Variants in RAD51B observed in about 807,000 individuals in gnomAD.
RAD51B encodes the protein DNA repair protein RAD51 homolog 2.
A neutral mutation model predicts 42.2 loss-of-function variants in RAD51B; 38 were observed. The ratio of observed to expected loss-of-function variants is 0.90; its 90% CI spans 0.70 to 1.18. The LOEUF is 1.18. RAD51B is among the 50% of genes most tolerant of loss of function. The pLI, the probability that RAD51B is intolerant of heterozygous loss-of-function variation, is 0.00. For missense variants in RAD51B, 373 were observed against 400.7 expected, an observed-to-expected ratio of 0.93 and a Z score of 0.59; for synonymous variants, 154 against 145.2, an observed-to-expected ratio of 1.06 and a Z score of -0.43.
At chr14:68,431,663 T>C (rs933435020) in intron 9 of RAD51B, among the ~76,000 whole-genome samples, 6 of 152,220 alleles carry the variant, frequency 3.9e-5, no homozygotes, top group Non-Finnish European at 7.3e-5. Flanking sequence ...TTAGTCTTGC[T>C]AGTGGTCTAT....
At chr14:68,568,442 C>T (rs998842320) in intron 10 of RAD51B, among the ~76,000 whole-genome samples, 1 of 152,168 alleles carries the variant, frequency 6.6e-6, no homozygotes, top group Non-Finnish European at 1.5e-5. Context: ...CCTGTGGTCC[C>T]CAAGCAAACC....
At chr14:68,468,346 C>A (rs754711267) in intron 10 of RAD51B, 96 bp downstream of exon 10, 1 of 1,325,602 alleles carries the variant, frequency 7.5e-7, no homozygotes, top group Non-Finnish European at 1.1e-6. Context: ...GAAGCTAGCT[C>A]CAGACAGAAT....
intron 10 of RAD51B, among the ~76,000 whole-genome samples, chr14:68,546,875 T>C (rs1471850166): frequency 1.3e-5 from 2 of 152,184 alleles, no homozygotes; most frequent in East Asian, 3.8e-4. Flanking sequence ...ATGTTAATGT[T>C]AATGGCAAAC....
chr14:68,455,195 CAGAAGCCA>C (rs149685865), intron 9 of RAD51B, among the ~76,000 whole-genome samples: 1 of 152,264 alleles, frequency 6.6e-6, no homozygotes, highest in Non-Finnish European at 1.5e-5. Flanking sequence ...TCAGAAACCA[CAGAAGCCA>C]GAAGGTAATT....
intron 7 of RAD51B, among the ~76,000 whole-genome samples, chr14:67,898,014 A>C (rs2043482165): frequency 6.6e-6 from 1 of 152,182 alleles, no homozygotes; most frequent in Admixed American, 6.5e-5. Context: ...AACAGTTTGG[A>C]GGTTTCTCAA....
chr14:67,908,836 G>A (rs1462465099), intron 7 of RAD51B: 1 of 152,200 alleles, frequency 6.6e-6, no homozygotes, highest in Non-Finnish European at 1.5e-5. Context: ...GTCTAGTGCA[G>A]GAATTCTCAG....
chr14:67,888,714 A>G (rs1232631799), intron 7 of RAD51B, among the ~76,000 whole-genome samples: 1 of 152,158 alleles, frequency 6.6e-6, no homozygotes, highest in African/African-American at 2.4e-5. Context: ...TAGCATGTAC[A>G]TTGTATTGGG....
chr14:68,616,226 A>G (rs1341931746), downstream of RAD51B, among the ~76,000 whole-genome samples: 4 of 152,126 alleles, frequency 2.6e-5, no homozygotes, highest in African/African-American at 9.6e-5. Context: ...GGTGCTCTTC[A>G]TTCTTTTGTG....
intron 8 of RAD51B, among the ~76,000 whole-genome samples, chr14:68,358,925 A>T (rs1420795675): frequency 6.6e-6 from 1 of 152,202 alleles, no homozygotes; most frequent in Non-Finnish European, 1.5e-5. Flanking sequence ...CTTATTGGAG[A>T]CATGTAATCC....
chr14:67,910,606 A>T (rs1013166853), intron 7 of RAD51B, among the ~76,000 whole-genome samples: 1 of 151,600 alleles, frequency 6.6e-6, no homozygotes, highest in Non-Finnish European at 1.5e-5. Context: ...TTTTTTTAAA[A>T]TTTTACTGGA....
chr14:67,882,715 C>T (rs948101802), intron 5 of RAD51B, among the ~76,000 whole-genome samples: 1 of 151,996 alleles, frequency 6.6e-6, no homozygotes, highest in Admixed American at 6.6e-5. Flanking sequence ...TGATTCCATT[C>T]TTCTAGACAC....
At chr14:67,879,955 A>ATTACATTAAATCTTCTAC (rs2042853680) in intron 5 of RAD51B, among the ~76,000 whole-genome samples, 2 of 152,188 alleles carry the variant, frequency 1.3e-5, no homozygotes, top group Non-Finnish European at 2.9e-5. Context: ...TTTTTTCTAC[A>ATTACATTAAATCTTCTAC]GTTACATTAA....
chr14:67,919,995 TG>T (rs1713150735), intron 7 of RAD51B, among the ~76,000 whole-genome samples: 1 of 151,988 alleles, frequency 6.6e-6, no homozygotes, highest in African/African-American at 2.4e-5. Flanking sequence ...AGGGAATGAG[TG>T]GGGTTATCCA....
intron 7 of RAD51B, among the ~76,000 whole-genome samples, chr14:67,918,297 T>TGC (rs2044220229): frequency 6.6e-6 from 1 of 152,160 alleles, no homozygotes; most frequent in Non-Finnish European, 1.5e-5. Context: ...TGCAGTGGCA[T>TGC]GATCCTGGCT....
chr14:68,594,767 T>C, exon 11 of RAD51B: 1 of 1,263,598 alleles, frequency 7.9e-7, no homozygotes. Flanking sequence ...CAATGGCCAC[T>C]GGAGATGTGT....
At chr14:68,509,032 G>A (rs1014767356) in intron 10 of RAD51B, among the ~76,000 whole-genome samples, 1 of 152,238 alleles carries the variant, frequency 6.6e-6, no homozygotes, top group Non-Finnish European at 1.5e-5. Flanking sequence ...GGCAAGAGCT[G>A]TCTTAGAGGC....
intron 3 of RAD51B, among the ~76,000 whole-genome samples, chr14:67,832,572 A>C (rs1455877938): frequency 4.6e-5 from 7 of 152,136 alleles, no homozygotes; most frequent in Non-Finnish European, 7.3e-5. Context: ...TCTTAGTCTC[A>C]GTTTTTTTAC....
chr14:67,994,796 A>G (rs568632722), intron 7 of RAD51B, among the ~76,000 whole-genome samples: 6 of 152,362 alleles, frequency 3.9e-5, no homozygotes, highest in East Asian at 1.9e-4. Flanking sequence ...TTGCAGAGAA[A>G]TAGAAGAGAT....
chr14:68,115,285 T>C (rs1367159844), intron 7 of RAD51B, among the ~76,000 whole-genome samples: 4 of 132,582 alleles, frequency 3.0e-5, no homozygotes, highest in South Asian at 4.6e-4. Flanking sequence ...CTCAGTAAAC[T>C]ATCACAAGAA....
Sources: allele counts gnomAD v4.1 joint callset (sites outside exome capture counted in the v4.1 genomes callset), GRCh38; gene constraint gnomAD v4.1.1; transcripts MANE v1.5; gene names NCBI Gene and HGNC (gene_info 2026-07-23, HGNC 2026-07-21).